The following KIF5C variants were observed in gnomAD, a reference collection of about 807,000 sequenced individuals.
KIF5C encodes kinesin heavy chain isoform 5C.
KIF5C carries 18 observed loss-of-function variants against 125.2 expected under a neutral mutation model. The ratio of observed to expected loss-of-function variants is 0.14; its 90% CI spans 0.10 to 0.21. The LOEUF (loss-of-function observed/expected upper bound fraction) is 0.21. Ranked by LOEUF, KIF5C falls within the 10% of genes least tolerant of loss-of-function variation. The probability of loss-of-function intolerance (pLI) is 1.00; values close to 1 mark genes in which losing one functional copy is unlikely to be tolerated. For missense variants in KIF5C, 780 were observed against 1,183.8 expected (o/e 0.66, Z 5.01); for synonymous variants, 405 against 434.0 (o/e 0.93, Z 0.83).
intron 21 of KIF5C, among the ~76,000 whole-genome samples, chr2:149,005,142 A>C (rs1483286599): frequency 6.6e-6 from 1 of 152,156 alleles, no homozygotes; most frequent in African/African-American, 2.4e-5. Flanking sequence ...TTCCACTGTG[A>C]GCAGATGGGC....
At chr2:148,968,768 ATTT>A (rs10714986) in intron 11 of KIF5C, among the ~76,000 whole-genome samples, 4 of 148,260 alleles carry the variant, frequency 2.7e-5, no homozygotes, top group African/African-American at 9.8e-5. Flanking sequence ...TAAAAGAATG[ATTT>A]TTTTTTTTTA....
Position 148,947,010 on chromosome 2 carries a change from C to T in KIF5C, c.701C>T (p.Ala234Val). The T allele has an allele frequency of 6.2e-7, 1 of 1,611,116 alleles. No individual in the cohort carries two copies. Among genetic ancestry groups the T allele is most frequent in the Non-Finnish European group, 8.5e-7 (1 of 1,179,096 alleles). The change falls in exon 8 of 26, where the codon GCT becomes GTT. Residue 234 changes from alanine (A) to valine (V), a missense_variant. Physicochemically the swap from Ala to Val is moderately conservative, Grantham distance 64. Around this residue, in one of 2 missense-constraint regions of KIF5C, gnomAD observed 207 missense variants for 441.2 expected, o/e 0.47. Coordinates refer to ENST00000435030, the MANE Select transcript of KIF5C (RefSeq NM_004522.3). ...LSGKLYLVDL[A>V]GSEKVSKTGA... is the part of the protein sequence containing the mutation. ...GGGAAACTTTATTTGGTTGATTTGG[C>T]TGGGAGCGAAAAGGTAATTTGTTCT...
At chr2:148,965,032 G>A (rs927309972) in intron 11 of KIF5C, among the ~76,000 whole-genome samples, 2 of 152,082 alleles carry the variant, frequency 1.3e-5, no homozygotes, top group African/African-American at 4.8e-5. Flanking sequence ...GTGGTGAGGG[G>A]TTGGCTATGG....
intron 11 of KIF5C, among the ~76,000 whole-genome samples, chr2:148,963,594 G>A (rs1682979830): frequency 6.6e-6 from 1 of 152,308 alleles, no homozygotes; most frequent in African/African-American, 2.4e-5. Context: ...CCTGAGGCTG[G>A]TGGATGATTC....
At chr2:148,953,097 T>A (rs73009513) in intron 10 of KIF5C, among the ~76,000 whole-genome samples, 2,013 of 152,336 alleles carry the variant, frequency 0.013, 51 homozygotes, top group African/African-American at 0.046. Flanking sequence ...CGGTCTACAT[T>A]CTTTTATCAG....
intron 1 of KIF5C, among the ~76,000 whole-genome samples, chr2:148,894,119 G>A (rs956415668): frequency 6.6e-6 from 1 of 152,204 alleles, no homozygotes; most frequent in African/African-American, 2.4e-5. Context: ...GTGGGGCAAA[G>A]TGGTTTTGCA....
intron 17 of KIF5C, 51 bp from the exon 18 acceptor site, chr2:148,997,213 G>A (rs1213614858): frequency 1.9e-6 from 3 of 1,578,114 alleles, no homozygotes; most frequent in Non-Finnish European, 2.6e-6. Context: ...TTGCTTTTGG[G>A]TGTGAGTCCC....
At chr2:149,009,717 C>T (rs1178746731) in intron 23 of KIF5C, among the ~76,000 whole-genome samples, 2 of 152,336 alleles carry the variant, frequency 1.3e-5, no homozygotes, top group Middle Eastern at 3.4e-3. Context: ...CCTCTGAGAG[C>T]TCAGGAACAT....
chr2:148,948,378 C>T lies in KIF5C; in HGVS notation c.714+1355C>T, dbSNP rs962428087. ...TCTCAAAAAAAAAAAAAAAAATTTA[C>T]TAGTACGGGCTTGTAACTTTAGTTA... On this transcript the variant is annotated intron_variant, in intron 8 of 25. Coordinates refer to ENST00000435030, the MANE Select transcript of KIF5C (RefSeq NM_004522.3). Among the ~76,000 whole-genome samples, 8 of 151,142 alleles carry T rather than the reference C, an allele frequency of 5.3e-5. No homozygotes were observed. The East Asian group carries it at 9.7e-4, about 18-fold the overall frequency.
At chr2:148,902,580 G>A (rs944347416) in intron 1 of KIF5C, among the ~76,000 whole-genome samples, 1 of 152,180 alleles carries the variant, frequency 6.6e-6, no homozygotes, top group Non-Finnish European at 1.5e-5. Context: ...ACCTCCCAAA[G>A]TGCTGGGATT....
At chr2:149,010,556 A>C (rs1682161192) in intron 24 of KIF5C, among the ~76,000 whole-genome samples, 1 of 152,258 alleles carries the variant, frequency 6.6e-6, no homozygotes, top group Admixed American at 6.5e-5. Flanking sequence ...CTACTCTGAG[A>C]TATTCCAGCA....
intron 3 of KIF5C, among the ~76,000 whole-genome samples, chr2:148,936,683 A>C (rs1012699077): frequency 1.3e-5 from 2 of 152,242 alleles, no homozygotes; most frequent in Admixed American, 1.3e-4. Flanking sequence ...ACATGGATTT[A>C]GGTATTAGAA....
chr2:148,895,092 ACCCT>A (rs1463099264), intron 1 of KIF5C, among the ~76,000 whole-genome samples: 2 of 151,758 alleles, frequency 1.3e-5, no homozygotes, highest in East Asian at 3.9e-4. Context: ...CCAATATGCA[ACCCT>A]CCCTTCATCT....
Position 148,981,613 on chromosome 2 carries a change from A to G in KIF5C, c.1569+52A>G, listed in dbSNP as rs1574810819. On this transcript the variant is annotated intron_variant, in intron 14 of 25. Transcript: ENST00000435030. The stretch of plus-strand genomic sequence containing the variant: ...GGACTTCCTTGGCTGCCGTTCCTGT[A>G]CTCATATTGATATTCATTGACAGAC... The G allele has an allele frequency of 4.0e-6, 6 of 1,515,972 alleles. No homozygotes were observed. The African/African-American group carries it at 5.5e-5, about 14-fold the overall frequency. The allele number at this position is 1,515,972 out of a possible 1,614,324, so 93.9% of individuals were successfully genotyped here. A position where few individuals can be genotyped will look rare whatever the true frequency, so the allele number is the denominator to read the frequency against.
intron 2 of KIF5C, among the ~76,000 whole-genome samples, chr2:148,927,290 T>C (rs1682040016): frequency 6.6e-6 from 1 of 152,124 alleles, no homozygotes; most frequent in Non-Finnish European, 1.5e-5. Flanking sequence ...GCTGTTTCCT[T>C]GGGTGTGGCC....
intron 11 of KIF5C, among the ~76,000 whole-genome samples, chr2:148,966,984 T>C (rs1246653792): frequency 6.6e-6 from 1 of 152,192 alleles, no homozygotes; most frequent in Non-Finnish European, 1.5e-5. Context: ...TATGGTACTT[T>C]CTTATAGCAG....
At chr2:148,928,362 G>A (rs550320796) in intron 2 of KIF5C, among the ~76,000 whole-genome samples, 10 of 152,162 alleles carry the variant, frequency 6.6e-5, no homozygotes, top group African/African-American at 1.7e-4. Flanking sequence ...CCCCTTATTC[G>A]GAATGGAGGA....
chr2:148,997,461 G>A lies in KIF5C; in HGVS notation c.2100+121G>A, dbSNP rs146357362. 52 of 1,525,740 alleles carry A rather than the reference G, an allele frequency of 3.4e-5. No homozygotes were observed. The African/African-American group carries it at 6.9e-4, about 20-fold the overall frequency. 94.5% of individuals were successfully genotyped at this position (1,525,740 alleles called of 1,614,324 possible). On this transcript the variant is annotated intron_variant, in intron 18 of 25. Coordinates refer to ENST00000435030, the MANE Select transcript of KIF5C (RefSeq NM_004522.3). ...GTATATGGCAAGGGACAGGGGAGGG[G>A]CTGTTGTTGGGCATTCAGAGTCGAT...
chr2:149,025,344 C>G lies in KIF5C; in HGVS notation c.*2274C>G, dbSNP rs1270995526. The G allele has an allele frequency of 1.3e-5, 2 of 152,558 alleles. No individual in the cohort carries two copies. Among genetic ancestry groups the G allele is most frequent in the Non-Finnish European group, 2.9e-5 (2 of 68,012 alleles). 9.5% of individuals were successfully genotyped at this position (152,558 alleles called of 1,614,324 possible). ...TTATAGGACTTCTAATCTAATTTTCCTATAGTGTGACTAAAAGGGAGGCAA... is the reference window on the plus strand; with the variant it reads ...TTATAGGACTTCTAATCTAATTTTCGTATAGTGTGACTAAAAGGGAGGCAA... On this transcript the variant is annotated 3_prime_UTR_variant, in exon 26 of 26. Transcript: ENST00000435030.
Sources: gnomAD v4.1 joint callset for allele counts (sites outside exome capture counted in the v4.1 genomes callset) on GRCh38, gnomAD v4.1.1 for gene constraint, gnomAD v4.1.1 regional missense constraint, MANE v1.5 for transcripts, NCBI Gene and HGNC (gene_info 2026-07-23, HGNC 2026-07-21) for gene names.